ISM1: variants seen among roughly 807,000 people sequenced by gnomAD.
The protein encoded by ISM1 is isthmin 1.
Under a neutral mutation model 46.3 loss-of-function variants are expected in ISM1, and 25 were observed. The ratio of observed to expected loss-of-function variants is 0.54; its 90% CI spans 0.39 to 0.75. The LOEUF is 0.75. Ranked by LOEUF, ISM1 falls within the 30% of genes least tolerant of loss-of-function variation. ISM1 has a pLI of 0.00. For synonymous variants in ISM1, 255 were observed against 256.7 expected (o/e 0.99, Z 0.06); for missense variants, 536 against 625.4 (o/e 0.86, Z 1.52).
At chr20:13,224,190 C>G (rs1380960572) in intron 1 of ISM1, among the ~76,000 whole-genome samples, 1 of 152,132 alleles carries the variant, frequency 6.6e-6, no homozygotes, top group Non-Finnish European at 1.5e-5. Context: ...AATGCACACA[C>G]TTTTCCAAGC....
At chr20:13,322,407 A>C in the ISM1 span, among the ~76,000 whole-genome samples, 1 of 152,092 alleles carries the variant, frequency 6.6e-6, no homozygotes, top group African/African-American at 2.4e-5. Context: ...TTCTCTCTCC[A>C]ACTCTTCCAC....
chr20:13,290,899 A>G lies in ISM1; in HGVS notation c.788-1475A>G, dbSNP rs531912764. On this transcript the variant is annotated intron_variant, in intron 4 of 5. Transcript: ENST00000262487. ...ACTTGCCTAGAGTCACACAGAAAGC[A>G]AGTGATCAACCTGGAATTTGAATCC... is the stretch of plus-strand genomic sequence containing the variant. Among the ~76,000 whole-genome samples, 8 of 152,368 alleles carry G rather than the reference A, an allele frequency of 5.3e-5. No homozygotes were observed. In the East Asian group the frequency reaches 1.5e-3, roughly 29 times the overall value.
Position 13,274,681 on chromosome 20 carries a change from G to GCCCGGCC in ISM1, c.378+3944_378+3950dup, listed in dbSNP as rs1379238093. On this transcript the variant is annotated intron_variant, in intron 2 of 5. Coordinates refer to ENST00000262487, the MANE Select transcript of ISM1 (RefSeq NM_080826.2). ...CCTCTCCACTCCCCGCCCCCCCCGC[G>GCCCGGCC]CCCGGCCCCCGGGCCTCTTGACTTT... Among the ~76,000 whole-genome samples the GCCCGGCC allele has an allele frequency of 6.8e-5, 4 of 59,146 alleles. No homozygotes were observed. The Admixed American group carries it at 7.8e-4, about 12-fold the overall frequency. The allele number at this position is 59,146 out of a possible 152,430, so 38.8% of individuals were successfully genotyped here.
chr20:13,318,158 A>AATAAATAAATAAATAAATAC, the ISM1 span, among the ~76,000 whole-genome samples: 1 of 151,818 alleles, frequency 6.6e-6, no homozygotes, highest in South Asian at 2.1e-4. Flanking sequence ...TAAATAAATA[A>AATAAATAAATAAATAAATAC]ATAAAAATGA....
chr20:13,245,208 A>G (rs1274135608), intron 1 of ISM1: 3 of 152,152 alleles, frequency 2.0e-5, no homozygotes, highest in Non-Finnish European at 2.9e-5. Flanking sequence ...TTATCTCAGA[A>G]CTTCCATGGG....
chr20:13,312,479 C>T, the ISM1 span, among the ~76,000 whole-genome samples: 1 of 152,196 alleles, frequency 6.6e-6, no homozygotes, highest in Non-Finnish European at 1.5e-5. Flanking sequence ...CCTTCCTCTC[C>T]CTCATGCACA....
At chr20:13,276,253 C>T (rs991689552) in intron 2 of ISM1, among the ~76,000 whole-genome samples, 6 of 152,178 alleles carry the variant, frequency 3.9e-5, no homozygotes, top group African/African-American at 1.2e-4. Flanking sequence ...AGCAAGAAGG[C>T]TTTCCTGAGT....
At chr20:13,301,004 C>T (rs1051624853), downstream of ISM1, among the ~76,000 whole-genome samples, 5 of 152,142 alleles carry the variant, frequency 3.3e-5, no homozygotes, top group African/African-American at 2.4e-5. Flanking sequence ...TTCCTTTTCC[C>T]GATGAGAAAA....
intron 5 of ISM1, among the ~76,000 whole-genome samples, chr20:13,295,704 A>G (rs1334443312): frequency 6.6e-6 from 1 of 152,230 alleles, no homozygotes; most frequent in Non-Finnish European, 1.5e-5. Flanking sequence ...CCTGACTCCT[A>G]CAAAAGAAGA....
chr20:13,270,600 C>A lies in ISM1; in HGVS notation c.235C>A (p.Gln79Lys). 1 of 1,613,926 alleles carries A rather than the reference C, an allele frequency of 6.2e-7. No individual in the cohort carries two copies. Among genetic ancestry groups the A allele is most frequent in the Non-Finnish European group, 8.5e-7 (1 of 1,179,874 alleles). ...GCATCTGGACCACCAGGCTGCACAC[C>A]AACCCTTCCCCAGACCGCGATTCCG... is the stretch of plus-strand genomic sequence containing the variant. ...REHLDHQAAH[Q>K]PFPRPRFRQE... Residue 79 changes from glutamine to lysine, a missense_variant, in exon 2 of 6, where the codon CAA becomes AAA. By Grantham distance (53) the Gln-to-Lys change is moderately conservative (BLOSUM62 1). Around this residue, in one of 2 missense-constraint regions of ISM1, gnomAD observed 367 missense variants for 376.1 expected, o/e 0.98. Coordinates refer to ENST00000262487, the MANE Select transcript of ISM1 (RefSeq NM_080826.2).
chr20:13,325,271 G>A, the ISM1 span, among the ~76,000 whole-genome samples: 7 of 152,190 alleles, frequency 4.6e-5, no homozygotes, highest in African/African-American at 1.2e-4. Context: ...AGAGGTCTCA[G>A]GTCTCTTCTG....
At chr20:13,259,275 T>C (rs192826900) in intron 1 of ISM1, among the ~76,000 whole-genome samples, 1,508 of 143,610 alleles carry the variant, frequency 0.011, 26 homozygotes, top group African/African-American at 0.037. Context: ...AGTGAGACTC[T>C]GTCTCAAAAA....
At chr20:13,278,098 T>G (rs531438498) in intron 2 of ISM1, among the ~76,000 whole-genome samples, 1 of 152,320 alleles carries the variant, frequency 6.6e-6, no homozygotes, top group Admixed American at 6.5e-5. Context: ...TGCATGTTTC[T>G]GATTCATTTG....
At chr20:13,259,196 G>A (rs773961099) in intron 1 of ISM1, among the ~76,000 whole-genome samples, 7 of 151,492 alleles carry the variant, frequency 4.6e-5, no homozygotes, top group Admixed American at 1.3e-4. Flanking sequence ...CAGGAGAATC[G>A]CTTGAACCCA....
At chr20:13,241,362 G>C (rs2123165258) in intron 1 of ISM1, among the ~76,000 whole-genome samples, 1 of 152,342 alleles carries the variant, frequency 6.6e-6, no homozygotes, top group East Asian at 1.9e-4. Context: ...TGTAAGATCA[G>C]AGATACCAGG....
rs1170013802 is a variant in ISM1 at position 13,221,746 on chromosome 20, G to A, written c.-31G>A. 3 of 1,368,246 alleles carry A rather than the reference G, an allele frequency of 2.2e-6. No individual in the cohort carries two copies. Among genetic ancestry groups the A allele is most frequent in the Non-Finnish European group, 1.9e-6 (2 of 1,064,146 alleles). 84.8% of individuals were successfully genotyped at this position (1,368,246 alleles called of 1,614,324 possible). On this transcript the variant is annotated 5_prime_UTR_variant, in exon 1 of 6. Coordinates refer to ENST00000262487, the MANE Select transcript of ISM1 (RefSeq NM_080826.2). ...CACCGCCGCCGCCGCCGGCCGCCGC[G>A]CCGGGTCCTAAAGCCGCGCGTCTCA...
downstream of ISM1, among the ~76,000 whole-genome samples, chr20:13,303,526 CA>C (rs1444857280): frequency 6.6e-6 from 1 of 152,176 alleles, no homozygotes; most frequent in African/African-American, 2.4e-5. Context: ...TCAGGGGCAA[CA>C]TAACAGGCAC....
intron 3 of ISM1, among the ~76,000 whole-genome samples, chr20:13,287,375 C>A (rs141561238): frequency 6.6e-6 from 1 of 152,074 alleles, no homozygotes; most frequent in Non-Finnish European, 1.5e-5. Context: ...GGGAAACTGC[C>A]CCCATGATTC....
At chr20:13,319,659 C>T in the ISM1 span, among the ~76,000 whole-genome samples, 1 of 152,178 alleles carries the variant, frequency 6.6e-6, no homozygotes, top group South Asian at 2.1e-4. Flanking sequence ...TCTAAGGTTG[C>T]TATAATGCCT....
Sources: allele counts gnomAD v4.1 joint callset (sites outside exome capture counted in the v4.1 genomes callset), GRCh38; gene constraint gnomAD v4.1.1; regional missense constraint gnomAD v4.1.1; transcripts MANE v1.5; gene names NCBI Gene and HGNC (gene_info 2026-07-23, HGNC 2026-07-21).